The following VANGL1 variants were observed in gnomAD, a reference collection of about 807,000 sequenced individuals.
VANGL1 encodes VANGL planar cell polarity protein 1, also known as vang-like protein 1.
In VANGL1, 18 loss-of-function variants were observed where a neutral mutation model predicts 48.4. The ratio of observed to expected loss-of-function variants is 0.37; its 90% CI spans 0.26 to 0.55. The LOEUF (loss-of-function observed/expected upper bound fraction) is 0.55. VANGL1 is among the 20% of genes least tolerant of loss of function. The probability of loss-of-function intolerance (pLI) is 0.81; values close to 1 mark genes in which losing one functional copy is unlikely to be tolerated. For missense variants in VANGL1, 667 were observed against 675.8 expected, an observed-to-expected ratio of 0.99 and a Z score of 0.14; for synonymous variants, 257 against 261.8, an observed-to-expected ratio of 0.98 and a Z score of 0.18.
In VANGL1 at chr1:115,659,610, A is replaced by G. The variant is rs774692643; in HGVS notation, c.72-31A>G. 13 of 1,613,960 alleles carry G rather than the reference A, an allele frequency of 8.1e-6. No individual in the cohort carries two copies. In the Middle Eastern group the frequency reaches 8.3e-4, roughly 102 times the overall value. On this transcript the variant is annotated intron_variant, in intron 2 of 7. Transcript: ENST00000355485. The stretch of plus-strand genomic sequence containing the variant: ...AACCCAGAGAGTTAATTAACATGGC[A>G]TAAATGTGCTAGCTCATTGTTGTTT...
At chr1:115,642,724 A>G (rs1242920663) in intron 1 of VANGL1, 1 of 152,128 alleles carries the variant, frequency 6.6e-6, no homozygotes, top group Non-Finnish European at 1.5e-5. Context: ...TTTACTTTCA[A>G]AAACGCCGGG....
intron 1 of VANGL1, among the ~76,000 whole-genome samples, chr1:115,650,413 T>C (rs2101302090): frequency 6.6e-6 from 1 of 152,350 alleles, no homozygotes; most frequent in East Asian, 1.9e-4. Flanking sequence ...TTCCAATTTA[T>C]TTTTATTGCA....
chr1:115,651,137 A>G (rs978157806), intron 1 of VANGL1, 140 bp from the exon 2 acceptor site: 1 of 447,072 alleles, frequency 2.2e-6, no homozygotes, highest in Non-Finnish European at 4.1e-6. Context: ...TGGAGCATTT[A>G]CAGTTCAGTT....
chr1:115,643,228 A>T (rs1418363655), intron 1 of VANGL1, among the ~76,000 whole-genome samples: 1 of 152,250 alleles, frequency 6.6e-6, no homozygotes, highest in South Asian at 2.1e-4. Context: ...TGACATGTTT[A>T]TAAATTTTAC....
At chr1:115,668,740 T>G (rs1290832453) in intron 4 of VANGL1, among the ~76,000 whole-genome samples, 2 of 152,218 alleles carry the variant, frequency 1.3e-5, no homozygotes, top group Non-Finnish European at 2.9e-5. Context: ...TCCTCCTTCT[T>G]TTCCTGTATA....
chr1:115,660,501 A>G (rs1255623512), intron 3 of VANGL1, among the ~76,000 whole-genome samples: 1 of 152,174 alleles, frequency 6.6e-6, no homozygotes, highest in East Asian at 1.9e-4. Context: ...CTGATACTTT[A>G]TTAATTTTTT....
intron 4 of VANGL1, among the ~76,000 whole-genome samples, chr1:115,676,107 G>A (rs1395384591): frequency 1.3e-5 from 2 of 152,102 alleles, no homozygotes; most frequent in African/African-American, 4.8e-5. Flanking sequence ...TATTTCATTT[G>A]CTCTTCTCAA....
intron 1 of VANGL1, among the ~76,000 whole-genome samples, chr1:115,643,141 C>T (rs907011429): frequency 2.0e-5 from 3 of 152,164 alleles, no homozygotes; most frequent in Non-Finnish European, 2.9e-5. Context: ...CTTGACCTGG[C>T]TTTGGTTAGA....
At chr1:115,681,584 G>A (rs550954267) in intron 4 of VANGL1, among the ~76,000 whole-genome samples, 2 of 144,288 alleles carry the variant, frequency 1.4e-5, no homozygotes, top group South Asian at 4.5e-4. Context: ...TCGGCTCACT[G>A]CAACCTCCGC....
At chr1:115,647,179 AAC>A (rs548226244) in intron 1 of VANGL1, among the ~76,000 whole-genome samples, 1 of 152,080 alleles carries the variant, frequency 6.6e-6, no homozygotes, top group Non-Finnish European at 1.5e-5. Context: ...GCCTGGGCCA[AAC>A]ACAATATGAG....
chr1:115,690,808 C>G (rs953514859), intron 7 of VANGL1, among the ~76,000 whole-genome samples: 4 of 152,214 alleles, frequency 2.6e-5, no homozygotes, highest in Non-Finnish European at 5.9e-5. Flanking sequence ...TGGAGTGATG[C>G]AGCCATGACG....
Position 115,685,492 on chromosome 1 carries a change from C to G in VANGL1, c.1279C>G (p.Leu427Val), listed in dbSNP as rs1350473607. ...YHSMESILQH[L>V]AFCITNGMTP... ...CAGCATGGAGAGCATCCTGCAGCAC[C>G]TGGCCTTCTGCATCACCAACGGCAT... The change falls in exon 7 of 8, where the codon CTG (leucine) becomes GTG (valine). Residue 427 changes from leucine to valine, a missense_variant. Coordinates refer to ENST00000355485, the MANE Select transcript of VANGL1 (RefSeq NM_138959.3). The G allele has an allele frequency of 6.2e-7, 1 of 1,613,994 alleles. No homozygotes were observed. Among genetic ancestry groups the G allele is most frequent in the Admixed American group, 1.7e-5 (1 of 60,004 alleles).
In VANGL1 at chr1:115,697,116, C is replaced by T. The variant is rs1199341014; in HGVS notation, c.*5737C>T. On this transcript the variant is annotated 3_prime_UTR_variant, in exon 8 of 8. Coordinates refer to ENST00000355485, the MANE Select transcript of VANGL1 (RefSeq NM_138959.3). ...AAAAGCCTTCAGCCTAAGAAAGCTT[C>T]ATCTGTGGGGACCAGAGACTTGTTG... 6.6e-6 allele frequency: 1 copy of T among 152,120 alleles called. No homozygotes were observed. The highest frequency in any genetic ancestry group is 6.5e-5 in the Admixed American group (1 of 15,276). The allele number at this position is 152,120 out of a possible 1,614,324, so 9.4% of individuals were successfully genotyped here.
chr1:115,647,958 TA>T (rs2101295041), intron 1 of VANGL1, among the ~76,000 whole-genome samples: 1 of 152,262 alleles, frequency 6.6e-6, no homozygotes, highest in African/African-American at 2.4e-5. Context: ...TGGGTGGAGG[TA>T]AGACGTAGTT....
Position 115,681,503 on chromosome 1 carries a change from G to GTTTTTT in VANGL1, c.813-858_813-853dup, listed in dbSNP as rs368388367. On this transcript the variant is annotated intron_variant, in intron 4 of 7. Coordinates refer to ENST00000355485, the MANE Select transcript of VANGL1 (RefSeq NM_138959.3). ...CAGCGGAGGCTCTCTTTTTTTTGTT[G>GTTTTTT]TTTTTTTTGTTTTTTTTTTTGAGAC... is the stretch of plus-strand genomic sequence containing the variant. 4.1e-4 allele frequency among the ~76,000 whole-genome samples: 47 copies of GTTTTTT among 114,880 alleles called. 2 individuals are homozygous for GTTTTTT. Among genetic ancestry groups the GTTTTTT allele is most frequent in the East Asian group, 1.3e-3 (5 of 3,974 alleles). The allele number at this position is 114,880 out of a possible 152,430, so 75.4% of individuals were successfully genotyped here.
At chr1:115,659,172 G>C (rs1029793104) in intron 2 of VANGL1, among the ~76,000 whole-genome samples, 2 of 151,952 alleles carry the variant, frequency 1.3e-5, no homozygotes, top group Non-Finnish European at 2.9e-5. Flanking sequence ...GGGTGACAAT[G>C]TGTCCCAGAT....
intron 4 of VANGL1, among the ~76,000 whole-genome samples, chr1:115,673,594 CTTTTTTTT>C (rs960453479): frequency 8.3e-5 from 9 of 108,586 alleles, no homozygotes; most frequent in African/African-American, 3.7e-4. Flanking sequence ...TGTATGTCCT[CTTTTTTTT>C]TTTTTTTTTT....
At chr1:115,663,055 G>C (rs1019443682) in intron 3 of VANGL1, among the ~76,000 whole-genome samples, 12 of 152,170 alleles carry the variant, frequency 7.9e-5, no homozygotes, top group African/African-American at 1.7e-4. Context: ...AAAGTACGGG[G>C]ATTACAGGTG....
chr1:115,683,778 G>A (rs1215888214), intron 5 of VANGL1, among the ~76,000 whole-genome samples, 166 bp from the exon 6 acceptor site: 3 of 152,216 alleles, frequency 2.0e-5, no homozygotes, highest in African/African-American at 7.2e-5. Flanking sequence ...TAGTGAATGT[G>A]GAGCCGGGGC....
Sources: gnomAD v4.1 joint callset for allele counts (sites outside exome capture counted in the v4.1 genomes callset) on GRCh38, gnomAD v4.1.1 for gene constraint, MANE v1.5 for transcripts, NCBI Gene and HGNC (gene_info 2026-07-23, HGNC 2026-07-21) for gene names.